Variants in SIGLEC9 observed in about 807,000 individuals in gnomAD.
SIGLEC9 encodes the protein sialic acid-binding Ig-like lectin 9.
A neutral mutation model predicts 38.3 loss-of-function variants in SIGLEC9; 26 were observed. The ratio of observed to expected loss-of-function variants is 0.68; its 90% CI spans 0.50 to 0.94. SIGLEC9 has a LOEUF of 0.94. Among genes scored for constraint, SIGLEC9 ranks in the 40% least tolerant of loss-of-function variants. SIGLEC9 has a pLI of 0.00. For synonymous variants in SIGLEC9, 236 were observed against 248.0 expected, an observed-to-expected ratio of 0.95 and a Z score of 0.45; for missense variants, 556 against 585.7, an observed-to-expected ratio of 0.95 and a Z score of 0.52.
At chr19:51,127,875 C>A in intron 4 of SIGLEC9, 74 bp from the exon 5 acceptor site, 1 of 845,940 alleles carries the variant, frequency 1.2e-6, no homozygotes. Context: ...AGTCTAGGAC[C>A]CTACAGGAAG....
rs1328924258 is a variant in SIGLEC9 at position 51,129,946 on chromosome 19, C to T, written c.1259C>T (p.Ala420Val). 1 of 1,613,296 alleles carries T rather than the reference C, an allele frequency of 6.2e-7. No individual in the cohort carries two copies. The highest frequency in any genetic ancestry group is 1.7e-5 in the Admixed American group (1 of 59,868). ...AGTCCCCCAGACCAGCCTCCCCCAG[C>T]TTCTGCCCGCTCCTCAGTGGGGGAA... The part of the protein sequence containing the change: ...EDSPPDQPPP[A>V]SARSSVGEGE... The change falls in exon 7 of 7, where the codon GCT becomes GTT. Residue 420 changes from alanine to valine, a missense_variant. Transcript: ENST00000250360.
At chr19:51,129,538 C>T (rs115934640) in intron 6 of SIGLEC9, among the ~76,000 whole-genome samples, 3,482 of 151,530 alleles carry the variant, frequency 0.023, 133 homozygotes, top group African/African-American at 0.08. Context: ...GCCTCAAGTG[C>T]ATTTTTTCGT....
downstream of SIGLEC9, among the ~76,000 whole-genome samples, chr19:51,131,766 A>G (rs1453655283): frequency 2.0e-5 from 3 of 150,986 alleles, no homozygotes; most frequent in Non-Finnish European, 3.0e-5. Context: ...AAATACAAAA[A>G]TTAGCCAGGC....
At chr19:51,126,017 GAC>G (rs2091977044) in intron 2 of SIGLEC9, 62 bp from the exon 3 acceptor site, 33 of 1,591,536 alleles carry the variant, frequency 2.1e-5, no homozygotes, top group Non-Finnish European at 2.8e-5. Context: ...GGCTCCTGGG[GAC>G]AGACAGGGCC....
At chr19:51,135,341 G>A (rs780000761) in intron 6 of SIGLEC9, among the ~76,000 whole-genome samples, 1 of 152,162 alleles carries the variant, frequency 6.6e-6, no homozygotes, top group Admixed American at 6.5e-5. Context: ...ATGAAGCTTA[G>A]TTTGGCAGGG....
intron 6 of SIGLEC9, among the ~76,000 whole-genome samples, chr19:51,135,322 C>T (rs897981347): frequency 7.2e-5 from 11 of 152,006 alleles, no homozygotes; most frequent in African/African-American, 2.7e-4. Context: ...TTTTATTTAT[C>T]CTTCGTTTAT....
chr19:51,124,424 C>T (rs993802368), upstream of SIGLEC9, among the ~76,000 whole-genome samples: 1 of 152,114 alleles, frequency 6.6e-6, no homozygotes. Flanking sequence ...GTCTCCCCTC[C>T]GCACAGTGAC....
chr19:51,131,310 G>A (rs1034850825), downstream of SIGLEC9, among the ~76,000 whole-genome samples: 1 of 152,136 alleles, frequency 6.6e-6, no homozygotes, highest in Non-Finnish European at 1.5e-5. Context: ...AATCATGGCC[G>A]GGCACAGTGT....
chr19:51,129,158 T>TG (rs1312733487), intron 6 of SIGLEC9, among the ~76,000 whole-genome samples: 3 of 141,008 alleles, frequency 2.1e-5, no homozygotes, highest in South Asian at 2.1e-4. Context: ...TTTTTTTTTT[T>TG]TTTGTTGTTG....
At position 51,130,025 on chromosome 19, in the gene SIGLEC9, G is replaced by A. The variant is rs61745422; in HGVS notation, c.1338G>A (p.Ser446=). 5 of 1,613,898 alleles carry A rather than the reference G, an allele frequency of 3.1e-6. No individual in the cohort carries two copies. The Admixed American group carries it at 5.0e-5, about 16-fold the overall frequency. The change falls in exon 7 of 7, where the codon TCG becomes TCA. Residue 446 remains serine (S), a synonymous_variant. Transcript: ENST00000250360. The part of the protein sequence containing the change: ...LSFQMVKPWD[S]RGQEATDTEY... ...TCCAGATGGTGAAGCCTTGGGACTC[G>A]CGGGGACAGGAGGCCACTGACACCG... is the stretch of plus-strand genomic sequence containing the variant.
chr19:51,127,920 T>A (rs1179953639), intron 4 of SIGLEC9, 29 bp from the exon 5 acceptor site: 1 of 1,432,578 alleles, frequency 7.0e-7, no homozygotes, highest in Non-Finnish European at 9.8e-7. Flanking sequence ...CTATGATATA[T>A]CACAAAAATA....
At chr19:51,131,308 C>T (rs2092013517), downstream of SIGLEC9, among the ~76,000 whole-genome samples, 1 of 152,090 alleles carries the variant, frequency 6.6e-6, no homozygotes. Flanking sequence ...AAAATCATGG[C>T]CGGGCACAGT....
At chr19:51,131,454 C>T (rs543221633), downstream of SIGLEC9, among the ~76,000 whole-genome samples, 53 of 151,952 alleles carry the variant, frequency 3.5e-4, no homozygotes, top group African/African-American at 1.3e-3. Flanking sequence ...GGCGTGGTGG[C>T]GGGTGCCTGT....
In SIGLEC9 at chr19:51,128,477, G is replaced by A. The variant is rs1197349925; in HGVS notation, c.1170G>A (p.Glu390=). ...CGGGCGTGGGAGATACGGGCATAGA[G>A]GATGCAAACGCTGTCAGGGGTTCAG... ...PAAGVGDTGI[E]DANAVRGSAS... The change falls in exon 6 of 7, where the codon GAG becomes GAA. Residue 390 remains glutamate (E), a synonymous_variant. Coordinates refer to ENST00000250360, the MANE Select transcript of SIGLEC9 (RefSeq NM_014441.3). 1 of 1,613,962 alleles carries A rather than the reference G, an allele frequency of 6.2e-7. No homozygotes were observed. The highest frequency in any genetic ancestry group is 1.3e-5 in the African/African-American group (1 of 74,912).
At chr19:51,128,094 G>A in intron 5 of SIGLEC9, 55 bp downstream of exon 5, 2 of 1,424,708 alleles carry the variant, frequency 1.4e-6, no homozygotes, top group South Asian at 2.3e-5. Flanking sequence ...AGGACAGGCT[G>A]GAAGCTGGAT....
chr19:51,126,878 GT>G, intron 3 of SIGLEC9, 151 bp from the exon 4 acceptor site: 1 of 654,384 alleles, frequency 1.5e-6, no homozygotes, highest in Non-Finnish European at 2.6e-6. Flanking sequence ...GCGGGGAGAA[GT>G]TTACATTCCC....
chr19:51,126,006 C>A (rs1395287889), intron 2 of SIGLEC9, 75 bp from the exon 3 acceptor site: 2 of 1,579,274 alleles, frequency 1.3e-6, no homozygotes, highest in South Asian at 2.2e-5. Context: ...CCTGTTTATG[C>A]GGCTCCTGGG....
chr19:51,123,377 G>C (rs917177102), upstream of SIGLEC9, among the ~76,000 whole-genome samples: 2 of 152,180 alleles, frequency 1.3e-5, no homozygotes, highest in African/African-American at 4.8e-5. Context: ...GTGCTGAGAG[G>C]CCTGACTGAG....
At chr19:51,125,492 T>TGAAGCGAGTTGGCTCAGGGC (rs2122837402) in intron 1 of SIGLEC9, 97 bp downstream of exon 1, 1 of 1,551,396 alleles carries the variant, frequency 6.4e-7, no homozygotes, top group South Asian at 1.2e-5. Flanking sequence ...GGGCTTAGGG[T>TGAAGCGAGTTGGCTCAGGGC]GAAGCGAGTT....
Sources: allele counts gnomAD v4.1 joint callset (sites outside exome capture counted in the v4.1 genomes callset), GRCh38; gene constraint gnomAD v4.1.1; transcripts MANE v1.5; gene names NCBI Gene and HGNC (gene_info 2026-07-23, HGNC 2026-07-21).